Variants in LCORL observed in about 807,000 individuals in gnomAD.
The protein encoded by LCORL is ligand-dependent nuclear receptor corepressor-like protein.
A neutral mutation model predicts 141.8 loss-of-function variants in LCORL; 41 were observed. The observed-to-expected ratio is 0.29, with a 90% CI of 0.23 to 0.38. LCORL has a LOEUF of 0.38. LCORL is among the 10% of genes least tolerant of loss of function. The pLI, the probability that LCORL is intolerant of heterozygous loss-of-function variation, is 1.00. For synonymous variants in LCORL, 618 were observed against 694.1 expected (o/e 0.89, Z 1.72); for missense variants, 1,759 against 2,035.0 (o/e 0.86, Z 2.61).
chr4:17,993,149 A>C (rs938193101), intron 1 of LCORL, among the ~76,000 whole-genome samples: 4 of 152,242 alleles, frequency 2.6e-5, no homozygotes, highest in African/African-American at 9.6e-5. Flanking sequence ...GTAATGACAG[A>C]AACATTCTGA....
intron 5 of LCORL, among the ~76,000 whole-genome samples, chr4:17,898,279 G>C (rs558443259): frequency 3.7e-4 from 56 of 152,154 alleles, no homozygotes; most frequent in Middle Eastern, 3.4e-3. Flanking sequence ...AAAATCACTT[G>C]ATATAATTCT....
At chr4:17,929,121 A>C (rs1005316931) in intron 4 of LCORL, among the ~76,000 whole-genome samples, 1 of 152,210 alleles carries the variant, frequency 6.6e-6, no homozygotes, top group African/African-American at 2.4e-5. Context: ...GAAAACTGGA[A>C]ACATAATAAA....
chr4:17,905,039 C>T (rs1345119341), intron 5 of LCORL, among the ~76,000 whole-genome samples: 1 of 152,094 alleles, frequency 6.6e-6, no homozygotes. Flanking sequence ...TAAGACCTGA[C>T]ATAGTTTATC....
chr4:17,896,021 G>A (rs1040288803), intron 5 of LCORL, among the ~76,000 whole-genome samples: 7 of 152,188 alleles, frequency 4.6e-5, no homozygotes, highest in African/African-American at 1.7e-4. Flanking sequence ...AAGTTTTTGT[G>A]TGGACATATG....
At chr4:17,853,278 G>A (rs185409834) in intron 7 of LCORL, among the ~76,000 whole-genome samples, 2 of 152,184 alleles carry the variant, frequency 1.3e-5, no homozygotes, top group East Asian at 1.9e-4. Context: ...GGCTTAACAT[G>A]TGAGATTAGT....
chr4:17,898,372 G>A (rs2109284622), intron 5 of LCORL, among the ~76,000 whole-genome samples: 1 of 151,930 alleles, frequency 6.6e-6, no homozygotes, highest in Admixed American at 6.6e-5. Flanking sequence ...CAAGTTTTTG[G>A]GATTGCTCTA....
chr4:17,847,607 ATATAAT>A (rs1723086063), intron 7 of LCORL, among the ~76,000 whole-genome samples: 1 of 152,250 alleles, frequency 6.6e-6, no homozygotes, highest in Admixed American at 6.5e-5. Flanking sequence ...TTAAAAAATA[ATATAAT>A]TAAAGTATAT....
intron 6 of LCORL, chr4:17,881,538 A>C: frequency 1.1e-6 from 1 of 908,192 alleles, no homozygotes. Context: ...CAAATTAACT[A>C]TAATATTACC....
chr4:17,997,355 G>A (rs992749091), intron 1 of LCORL, among the ~76,000 whole-genome samples: 3 of 152,248 alleles, frequency 2.0e-5, no homozygotes, highest in Non-Finnish European at 4.4e-5. Context: ...GGGGAGGAGG[G>A]CTAGAATGTT....
At chr4:17,972,511 A>T (rs79004407) in intron 2 of LCORL, among the ~76,000 whole-genome samples, 4,799 of 151,834 alleles carry the variant, frequency 0.032, 106 homozygotes, top group African/African-American at 0.059. Context: ...ACTCAATTTA[A>T]TTAACATTTA....
intron 1 of LCORL, among the ~76,000 whole-genome samples, chr4:18,002,956 A>G (rs374526492): frequency 2.0e-4 from 30 of 152,336 alleles, no homozygotes; most frequent in African/African-American, 7.2e-4. Context: ...CTGCTTAAAA[A>G]CAAACTTAAA....
At chr4:18,011,237 G>A (rs1386796891) in intron 1 of LCORL, among the ~76,000 whole-genome samples, 2 of 151,928 alleles carry the variant, frequency 1.3e-5, no homozygotes. Context: ...AAGTTGTTCA[G>A]AGCCCAAGCA....
intron 5 of LCORL, among the ~76,000 whole-genome samples, chr4:17,905,747 A>AG (rs1731509641): frequency 6.6e-6 from 1 of 152,140 alleles, no homozygotes; most frequent in Admixed American, 6.5e-5. Flanking sequence ...ATTTGAATAA[A>AG]GCAACTCACC....
At chr4:18,005,755 G>A (rs1034214378) in intron 1 of LCORL, among the ~76,000 whole-genome samples, 1 of 152,226 alleles carries the variant, frequency 6.6e-6, no homozygotes, top group East Asian at 1.9e-4. Flanking sequence ...GTAATGGCTG[G>A]AGTGGCTCGG....
chr4:17,978,246 T>C (rs1717355364), intron 1 of LCORL, among the ~76,000 whole-genome samples: 1 of 152,196 alleles, frequency 6.6e-6, no homozygotes, highest in African/African-American at 2.4e-5. Flanking sequence ...CCCCATTTTT[T>C]AAAGGGAGTC....
intron 4 of LCORL, among the ~76,000 whole-genome samples, chr4:17,925,340 G>C (rs1437068692): frequency 1.3e-5 from 2 of 152,114 alleles, no homozygotes; most frequent in African/African-American, 4.8e-5. Context: ...CTGTGATTAA[G>C]GTCAATGGGA....
At chr4:17,875,307 T>C (rs952232539) in exon 7 of LCORL, 2 of 1,231,310 alleles carry the variant, frequency 1.6e-6, no homozygotes, top group Non-Finnish European at 2.0e-6. Flanking sequence ...CTTGGAAGGC[T>C]GAGGTATCAC....
At chr4:17,944,786 G>A (rs1360819726) in intron 4 of LCORL, among the ~76,000 whole-genome samples, 3 of 152,118 alleles carry the variant, frequency 2.0e-5, no homozygotes, top group African/African-American at 2.4e-5. Context: ...ATTTTACAGA[G>A]CACTTGTCTT....
chr4:18,013,605 T>C (rs1339445785), intron 1 of LCORL, among the ~76,000 whole-genome samples: 2 of 152,224 alleles, frequency 1.3e-5, no homozygotes, highest in African/African-American at 4.8e-5. Flanking sequence ...GTTATTTCCA[T>C]TAAGTCCTTT....
Sources: gnomAD v4.1 joint callset for allele counts (sites outside exome capture counted in the v4.1 genomes callset) on GRCh38, gnomAD v4.1.1 for gene constraint, MANE v1.5 for transcripts, NCBI Gene and HGNC (gene_info 2026-07-23, HGNC 2026-07-21) for gene names.